RBFOX1: variants seen among roughly 807,000 people sequenced by gnomAD.
RBFOX1 encodes the protein RNA binding protein fox-1 homolog 1.
In RBFOX1, 8 loss-of-function variants were observed where a neutral mutation model predicts 57.7. That is an observed-to-expected ratio of 0.14 (90% CI 0.08 to 0.25). RBFOX1 has a LOEUF of 0.25. Ranked by LOEUF, RBFOX1 falls within the 10% of genes least tolerant of loss-of-function variation. The pLI is 1.00. For synonymous variants in RBFOX1, 326 were observed against 222.4 expected (o/e 1.47, Z -4.15); for missense variants, 611 against 548.5 (o/e 1.11, Z -1.14).
chr16:7,457,452 C>G lies in RBFOX1; in HGVS notation c.28-60695C>G, dbSNP rs139027418. Among the ~76,000 whole-genome samples the G allele has an allele frequency of 1.1e-4, 16 of 152,284 alleles. No homozygotes were observed. The East Asian group carries it at 2.1e-3, about 20-fold the overall frequency. On this transcript the variant is annotated intron_variant, in intron 4 of 15. Transcript: ENST00000550418. ...GGATTGAAAATCACACGTACACGGA[C>G]ACATCTATTTACGTATAAATATGCC...
At chr16:6,531,933 C>A (rs921506622) in intron 2 of RBFOX1, among the ~76,000 whole-genome samples, 1 of 152,140 alleles carries the variant, frequency 6.6e-6, no homozygotes, top group African/African-American at 2.4e-5. Context: ...TACTTATTAG[C>A]AGTAGTCAGT....
At chr16:6,699,299 C>CTTTTTTTTTTTTTTTTT (rs36062118) in intron 3 of RBFOX1, among the ~76,000 whole-genome samples, 1 of 141,624 alleles carries the variant, frequency 7.1e-6, no homozygotes. Flanking sequence ...CCCTATGTTA[C>CTTTTTTTTTTTTTTTTT]TTTTTTTTTT....
At chr16:6,021,564 C>G (rs958506473) in intron 1 of RBFOX1, among the ~76,000 whole-genome samples, 6 of 152,148 alleles carry the variant, frequency 3.9e-5, no homozygotes, top group African/African-American at 1.2e-4. Context: ...TCTTTGAGCT[C>G]GTCAGGGAGG....
intron 3 of RBFOX1, among the ~76,000 whole-genome samples, chr16:7,035,021 T>C (rs575746021): frequency 3.3e-5 from 5 of 151,178 alleles, no homozygotes; most frequent in Non-Finnish European, 7.4e-5. Flanking sequence ...CTAATTTTTG[T>C]ATTTTTATTA....
Position 6,976,156 on chromosome 16 carries a change from T to C in RBFOX1, c.-15-75901T>C, listed in dbSNP as rs540799999. 3.2e-4 allele frequency among the ~76,000 whole-genome samples: 49 copies of C among 152,130 alleles called. 1 individual carries two copies. Among genetic ancestry groups the C allele is most frequent in the South Asian group, 2.7e-3 (13 of 4,814 alleles). The stretch of plus-strand genomic sequence containing the variant: ...AGGAAAAAGAAACAAACAAAAAAAC[T>C]AGCATTAACTGGTGCTTTGCTATGA... On this transcript the variant is annotated intron_variant, in intron 3 of 15. Coordinates refer to ENST00000550418, the MANE Select transcript of RBFOX1 (RefSeq NM_018723.4).
At chr16:6,178,596 A>G (rs2097033914) in intron 1 of RBFOX1, among the ~76,000 whole-genome samples, 1 of 152,174 alleles carries the variant, frequency 6.6e-6, no homozygotes, top group Non-Finnish European at 1.5e-5. Flanking sequence ...AAGCCATATA[A>G]AAGAAGGAAT....
chr16:7,088,663 G>GA (rs2060349434), intron 4 of RBFOX1, among the ~76,000 whole-genome samples: 1 of 152,164 alleles, frequency 6.6e-6, no homozygotes, highest in East Asian at 1.9e-4. Context: ...GAATGGTTTA[G>GA]AAAAAATTAC....
chr16:7,046,819 T>C (rs920275299), intron 3 of RBFOX1, among the ~76,000 whole-genome samples: 1 of 152,082 alleles, frequency 6.6e-6, no homozygotes, highest in African/African-American at 2.4e-5. Context: ...TTGACCAGAC[T>C]GGTCTTGAAC....
At chr16:7,253,744 C>A (rs779137685) in intron 4 of RBFOX1, among the ~76,000 whole-genome samples, 3 of 152,168 alleles carry the variant, frequency 2.0e-5, no homozygotes, top group Non-Finnish European at 2.9e-5. Context: ...ATCTATGGAG[C>A]CTCTCGTTAC....
intron 3 of RBFOX1, among the ~76,000 whole-genome samples, chr16:6,797,399 A>C (rs2084326953): frequency 6.6e-6 from 1 of 152,148 alleles, no homozygotes. Context: ...AGAGAGAGCG[A>C]GAGAAAGGGG....
intron 4 of RBFOX1, among the ~76,000 whole-genome samples, chr16:7,091,226 T>G (rs1410002967): frequency 6.6e-6 from 1 of 152,170 alleles, no homozygotes; most frequent in African/African-American, 2.4e-5. Flanking sequence ...TCCTCTGTTT[T>G]TACTTTAAGT....
rs545506925 is a variant in RBFOX1, at chr16:6,414,899, A to G, written c.-64+97842A>G. ...GATATAGTCAGACATCCTGCAAGGC[A>G]TGGGGTAGGATGCAGAGCAAAGAAT... On this transcript the variant is annotated intron_variant, in intron 2 of 15. Coordinates refer to ENST00000550418, the MANE Select transcript of RBFOX1 (RefSeq NM_018723.4). Among the ~76,000 whole-genome samples, 2 of 152,282 alleles carry G rather than the reference A, an allele frequency of 1.3e-5. 1 individual carries two copies. The highest frequency in any genetic ancestry group is 4.8e-5 in the African/African-American group (2 of 41,546).
chr16:6,256,239 A>ATATGTG (rs2097664790), intron 1 of RBFOX1, among the ~76,000 whole-genome samples: 12 of 99,740 alleles, frequency 1.2e-4, no homozygotes, highest in South Asian at 3.2e-4. Context: ...ATATGTGTAT[A>ATATGTG]TATATATGTA....
At chr16:7,491,064 G>T (rs2066813199) in intron 4 of RBFOX1, among the ~76,000 whole-genome samples, 1 of 152,024 alleles carries the variant, frequency 6.6e-6, no homozygotes, top group African/African-American at 2.4e-5. Context: ...CAACCAAATG[G>T]CTCACACTTC....
chr16:7,266,017 C>G (rs1279062602), intron 4 of RBFOX1, among the ~76,000 whole-genome samples: 1 of 138,972 alleles, frequency 7.2e-6, no homozygotes, highest in Non-Finnish European at 1.5e-5. Flanking sequence ...CTGTGTTGCC[C>G]AGGCTGGAGT....
At chr16:5,597,797 G>A (rs1014372612) in intron 2 of RBFOX1, among the ~76,000 whole-genome samples, 5 of 152,130 alleles carry the variant, frequency 3.3e-5, no homozygotes, top group Admixed American at 1.3e-4. Context: ...CGAAGGCTTT[G>A]GGAATACTAC....
intron 3 of RBFOX1, among the ~76,000 whole-genome samples, chr16:6,827,981 C>G (rs535366811): frequency 1.7e-4 from 26 of 152,206 alleles, no homozygotes; most frequent in Non-Finnish European, 3.4e-4. Context: ...GGGGACAAAT[C>G]TTGTCTGCTT....
intron 4 of RBFOX1, among the ~76,000 whole-genome samples, chr16:7,129,859 T>C (rs1297346721): frequency 6.6e-6 from 1 of 150,718 alleles, no homozygotes; most frequent in African/African-American, 2.4e-5. Context: ...GGTGGGTGCA[T>C]GGATAGATGG....
chr16:5,960,753 A>G (rs189183438), intron 4 of RBFOX1, among the ~76,000 whole-genome samples: 1 of 152,186 alleles, frequency 6.6e-6, no homozygotes, highest in African/African-American at 2.4e-5. Context: ...AGCAACCCCA[A>G]CACAGTGAAA....
Sources: allele counts gnomAD v4.1 joint callset (sites outside exome capture counted in the v4.1 genomes callset), GRCh38; gene constraint gnomAD v4.1.1; transcripts MANE v1.5; gene names NCBI Gene and HGNC (gene_info 2026-07-23, HGNC 2026-07-21).